Variants in SCLY observed in about 807,000 individuals in gnomAD.
SCLY encodes the protein selenocysteine lyase.
In SCLY, 38 loss-of-function variants were observed where a neutral mutation model predicts 50.1. That is an observed-to-expected ratio of 0.76 (90% CI 0.59 to 0.99). SCLY has a LOEUF of 0.99. SCLY is among the 50% of genes least tolerant of loss of function. SCLY has a pLI of 0.00. For missense variants in SCLY, 600 were observed against 620.0 expected, an observed-to-expected ratio of 0.97 and a Z score of 0.34; for synonymous variants, 243 against 249.4, an observed-to-expected ratio of 0.97 and a Z score of 0.24.
chr2:238,091,542 A>AACCACC, intron 8 of SCLY: 1 of 361,662 alleles, frequency 2.8e-6, no homozygotes, highest in Non-Finnish European at 5.2e-6. Flanking sequence ...GTCAAGCTGC[A>AACCACC]GGTTCACCAT....
chr2:238,061,441 T>C, intron 1 of SCLY: 1 of 530,302 alleles, frequency 1.9e-6, no homozygotes, highest in South Asian at 1.8e-5. Flanking sequence ...GCACAGCAGA[T>C]GCGAAGGGCA....
At chr2:238,091,378 A>G (rs548466776) in intron 8 of SCLY, 124 bp downstream of exon 8, 1 of 832,422 alleles carries the variant, frequency 1.2e-6, no homozygotes, top group South Asian at 1.4e-5. Flanking sequence ...GACTGACAAG[A>G]AAAAGCCTGG....
intron 10 of SCLY, chr2:238,094,854 G>A (rs756172929): frequency 3.4e-6 from 1 of 293,366 alleles, no homozygotes; most frequent in Non-Finnish European, 6.3e-6. Context: ...TGTCTATTTT[G>A]TTGGCAGTTT....
chr2:238,094,602 C>A (rs1241931960), intron 10 of SCLY, 80 bp downstream of exon 10: 2 of 1,188,986 alleles, frequency 1.7e-6, no homozygotes, highest in Non-Finnish European at 2.5e-6. Flanking sequence ...GCCAGTGACT[C>A]CCACTCGCCC....
At chr2:238,074,554 G>T (rs184422711) in intron 4 of SCLY, among the ~76,000 whole-genome samples, 149 of 152,236 alleles carry the variant, frequency 9.8e-4, no homozygotes, top group Admixed American at 1.8e-3. Context: ...AGTGATCTTG[G>T]CTGACTGCAA....
chr2:238,088,925 T>C (rs1398315933), intron 7 of SCLY, among the ~76,000 whole-genome samples: 1 of 152,126 alleles, frequency 6.6e-6, no homozygotes, highest in Non-Finnish European at 1.5e-5. Context: ...GTCAGCGTAG[T>C]AAGGCAAGAA....
In SCLY at chr2:238,098,674, A is replaced by G. The variant is rs914490621; in HGVS notation, c.*319A>G. On this transcript the variant is annotated 3_prime_UTR_variant, in exon 12 of 12. Transcript: ENST00000254663. ...GACCGCCCACATAGAACCGTCCTCC[A>G]GTGGTGAAGCGGAAACACTTAGCTT... 4 of 85,864 alleles carry G rather than the reference A, an allele frequency of 4.7e-5. No homozygotes were observed. The highest frequency in any genetic ancestry group is 7.3e-5 in the Non-Finnish European group (4 of 54,850). The allele number at this position is 85,864 out of a possible 1,614,324, so 5.3% of individuals were successfully genotyped here. A position where few individuals can be genotyped will look rare whatever the true frequency, so the allele number is the denominator to read the frequency against.
chr2:238,061,152 C>T lies in SCLY; in HGVS notation c.89+9C>T, dbSNP rs1234515676. ...CACAACTCGCCGGAGAGGTGCGCGC[C>T]TTTAGGGCAGGGCTGGGGAGCGGCC... is the stretch of plus-strand genomic sequence containing the variant. On this transcript the variant is annotated intron_variant, in intron 1 of 11. Coordinates refer to ENST00000254663, the MANE Select transcript of SCLY (RefSeq NM_016510.7). 7.3e-6 allele frequency: 11 copies of T among 1,499,200 alleles called. No homozygotes were observed. The highest frequency in any genetic ancestry group is 8.9e-6 in the Non-Finnish European group (10 of 1,123,862). 92.9% of individuals were successfully genotyped at this position (1,499,200 alleles called of 1,614,324 possible).
intron 4 of SCLY, among the ~76,000 whole-genome samples, chr2:238,076,307 G>C (rs974377710): frequency 2.6e-5 from 4 of 152,082 alleles, no homozygotes; most frequent in Admixed American, 2.0e-4. Flanking sequence ...GGCTGGGCTT[G>C]TCTCGAACTC....
intron 3 of SCLY, among the ~76,000 whole-genome samples, chr2:238,068,409 C>T (rs559225520): frequency 1.3e-5 from 2 of 151,556 alleles, no homozygotes; most frequent in African/African-American, 2.4e-5. Flanking sequence ...ATTAGCTGGG[C>T]GTGGTGGTGT....
At chr2:238,081,537 C>T (rs2106446136) in intron 4 of SCLY, 172 bp from the exon 5 acceptor site, 3 of 802,628 alleles carry the variant, frequency 3.7e-6, no homozygotes, top group African/African-American at 1.7e-5. Flanking sequence ...AAGCACCTGA[C>T]AGTGACTCTG....
intron 8 of SCLY, 87 bp downstream of exon 8, chr2:238,091,341 G>T: frequency 9.3e-7 from 1 of 1,075,432 alleles, no homozygotes; most frequent in South Asian, 1.3e-5. Context: ...GGGCTTTAGG[G>T]AGATCATATT....
At chr2:238,086,158 G>T (rs1211542251) in intron 7 of SCLY, among the ~76,000 whole-genome samples, 1 of 152,186 alleles carries the variant, frequency 6.6e-6, no homozygotes, top group Non-Finnish European at 1.5e-5. Flanking sequence ...TGTACCCAGT[G>T]AATATATCTT....
Position 238,061,291 on chromosome 2 carries a change from G to A in SCLY, c.89+148G>A, listed in dbSNP as rs752021476. 4.1e-6 allele frequency: 3 copies of A among 729,344 alleles called. No homozygotes were observed. In the South Asian group the frequency reaches 4.5e-5, roughly 11 times the overall value. The allele number at this position is 729,344 out of a possible 1,614,324, so 45.2% of individuals were successfully genotyped here. A position where few individuals can be genotyped will look rare whatever the true frequency, so the allele number is the denominator to read the frequency against. ...GTCCGCGAGGTCGGCCTAAGTCAGG[G>A]ATGCGAGCTTCAAGGAGGAGCGGGT... On this transcript the variant is annotated intron_variant, in intron 1 of 11. Transcript: ENST00000254663.
Position 238,069,831 on chromosome 2 carries a change from T to G in SCLY, c.484+354T>G, listed in dbSNP as rs761072244. Reference sequence around the variant, plus strand: ...ACTTGCATGTAATAAATATTTAACCTTTAAATAGTACGCCTGCAAATAGGC... The same window carrying G: ...ACTTGCATGTAATAAATATTTAACCGTTAAATAGTACGCCTGCAAATAGGC... On this transcript the variant is annotated intron_variant, in intron 4 of 11. Transcript: ENST00000254663. This position sits in a 1 kb window ranked among gnomAD's most constrained non-coding sequence, Gnocchi z 5.0. 2.1e-5 allele frequency: 4 copies of G among 188,956 alleles called. No homozygotes were observed. Among genetic ancestry groups the G allele is most frequent in the Non-Finnish European group, 4.3e-5 (4 of 92,902 alleles). The allele number at this position is 188,956 out of a possible 1,614,324, so 11.7% of individuals were successfully genotyped here.
intron 11 of SCLY, among the ~76,000 whole-genome samples, chr2:238,097,372 GTGCCCGAGCAGCGGCC>G (rs72061015): frequency 0.13 from 16,048 of 123,478 alleles, 1,632 homozygotes; most frequent in African/African-American, 0.32. Context: ...AGGGCGTGGG[GTGCCCGAGCAGCGGCC>G]TGCTGGCAGC....
At position 238,089,648 on chromosome 2, in the gene SCLY, A is replaced by AT. The variant is rs35551907; in HGVS notation, c.885-1556dup. Among the ~76,000 whole-genome samples, 894 of 141,518 alleles carry AT rather than the reference A, an allele frequency of 6.3e-3. 5 individuals are homozygous for AT. The highest frequency in any genetic ancestry group is 0.011 in the African/African-American group (399 of 37,988). The allele number at this position is 141,518 out of a possible 152,430, so 92.8% of individuals were successfully genotyped here. A position where few individuals can be genotyped will look rare whatever the true frequency, so the allele number is the denominator to read the frequency against. ...AACATTGATTTTTTTTTTTTTTGCG[A>AT]TTTTTTTTTTTTTTAAAGCTCATCA... On this transcript the variant is annotated intron_variant, in intron 7 of 11. Coordinates refer to ENST00000254663, the MANE Select transcript of SCLY (RefSeq NM_016510.7).
In SCLY at chr2:238,081,907, C is replaced by T. The variant is rs1228382492; in HGVS notation, c.612+71C>T. 9 of 1,584,468 alleles carry T rather than the reference C, an allele frequency of 5.7e-6. No individual in the cohort carries two copies. The East Asian group carries it at 1.8e-4, about 32-fold the overall frequency. On this transcript the variant is annotated intron_variant, in intron 5 of 11. Coordinates refer to ENST00000254663, the MANE Select transcript of SCLY (RefSeq NM_016510.7). ...ACAGCAGCTTAGACTCATGGCGTTTCAGGTTTCCCAGCTCTGGCCTCTCCC... is the reference window on the plus strand; with the variant it reads ...ACAGCAGCTTAGACTCATGGCGTTTTAGGTTTCCCAGCTCTGGCCTCTCCC...
Position 238,069,456 on chromosome 2 carries a change from C to G in SCLY, c.463C>G (p.Leu155Val). The G allele has an allele frequency of 6.2e-7, 1 of 1,612,712 alleles. No individual in the cohort carries two copies. Among genetic ancestry groups the G allele is most frequent in the Non-Finnish European group, 8.5e-7 (1 of 1,179,334 alleles). ...CTCCATCCGGCTGCCCCTGGAGCAC[C>G]TGGTGGAAGAACAAGTGGCAGGTGA... Reference protein sequence around the residue: ...HDSIRLPLEHLVEEQVAAVTF... With the variant: ...HDSIRLPLEHVVEEQVAAVTF... The change falls in exon 4 of 12, where the codon CTG becomes GTG. Residue 155 changes from leucine to valine, a missense_variant. Transcript: ENST00000254663. This position sits in a 1 kb window ranked among gnomAD's most constrained non-coding sequence, Gnocchi z 5.0.
Sources: gnomAD v4.1 joint callset for allele counts (sites outside exome capture counted in the v4.1 genomes callset) on GRCh38, gnomAD v4.1.1 for gene constraint, Gnocchi (gnomAD v3.1) non-coding constraint, MANE v1.5 for transcripts, NCBI Gene and HGNC (gene_info 2026-07-23, HGNC 2026-07-21) for gene names.